Variants in CSTF1 observed in about 807,000 individuals in gnomAD.
The protein encoded by CSTF1 is cleavage stimulation factor subunit 1, also known as CF-1 50 kDa subunit.
In CSTF1, 2 loss-of-function variants were observed where a neutral mutation model predicts 40.9. The observed-to-expected ratio is 0.05, with a 90% CI of 0.02 to 0.15. CSTF1 has a LOEUF of 0.15. CSTF1 is among the 10% of genes least tolerant of loss of function. The pLI is 1.00. For synonymous variants in CSTF1, 218 were observed against 207.2 expected (o/e 1.05, Z -0.45); for missense variants, 279 against 558.9 (o/e 0.50, Z 5.05).
chr20:56,394,281 AGT>A (rs1168216892), intron 1 of CSTF1, among the ~76,000 whole-genome samples: 1 of 152,214 alleles, frequency 6.6e-6, no homozygotes, highest in African/African-American at 2.4e-5. Flanking sequence ...AGTGTCATAC[AGT>A]GTGTAAGAAA....
Position 56,403,547 on chromosome 20 carries a change from C to T in CSTF1, c.1116C>T (p.Asp372=), listed in dbSNP as rs151298926. ...CCGAGGACTATGTGTTGCTGCCCGA[C>T]GAGAGGACGATCAGTCTTTGCTGCT... is the stretch of plus-strand genomic sequence containing the variant. ...NHTEDYVLLP[D]ERTISLCCWD... is the part of the protein sequence containing the mutation. The change falls in exon 6 of 6, where the codon GAC becomes GAT. Residue 372 remains aspartate, a synonymous_variant. Coordinates refer to ENST00000217109, the MANE Select transcript of CSTF1 (RefSeq NM_001324.3). The T allele has an allele frequency of 8.4e-5, 135 of 1,614,012 alleles. No individual in the cohort carries two copies. In the African/African-American group the frequency reaches 1.0e-3, roughly 12 times the overall value.
At chr20:56,401,914 C>G (rs186611922) in intron 5 of CSTF1, among the ~76,000 whole-genome samples, 1 of 152,336 alleles carries the variant, frequency 6.6e-6, no homozygotes, top group East Asian at 1.9e-4. Context: ...ACCACACAGA[C>G]TTTGTGTTTT....
At position 56,399,762 on chromosome 20, in the gene CSTF1, T is replaced by C. The variant is rs1201438784; in HGVS notation, c.1036+405T>C. Among the ~76,000 whole-genome samples the C allele has an allele frequency of 1.3e-5, 2 of 152,188 alleles. No individual in the cohort carries two copies. The highest frequency in any genetic ancestry group is 6.5e-5 in the Admixed American group (1 of 15,272). On this transcript the variant is annotated intron_variant, in intron 5 of 5. Transcript: ENST00000217109. The surrounding 1 kb of genome is among the most constrained non-coding windows in gnomAD (Gnocchi z 4.6). ...GAAAGAATGGCTGAGAGGGAAGATC[T>C]TATCCCATTCCTAAGAGAGCAGACC...
In CSTF1 at chr20:56,405,995, C is replaced by G. The variant is rs548319412; in HGVS notation, c.*2268C>G. Reference sequence around the variant, plus strand: ...GTTGTTCACGAATTAAAATAATGCCCATGTTTTACAGTTTTTCGAGTAGTC... The same window carrying G: ...GTTGTTCACGAATTAAAATAATGCCGATGTTTTACAGTTTTTCGAGTAGTC... On this transcript the variant is annotated 3_prime_UTR_variant, in exon 6 of 6. Transcript: ENST00000217109. 6.6e-6 allele frequency: 1 copy of G among 152,312 alleles called. No homozygotes were observed. Among genetic ancestry groups the G allele is most frequent in the Admixed American group, 6.5e-5 (1 of 15,292 alleles). The allele number at this position is 152,312 out of a possible 1,614,324, so 9.4% of individuals were successfully genotyped here.
At chr20:56,395,153 TTTAA>T (rs1214473530) in intron 1 of CSTF1, among the ~76,000 whole-genome samples, 1 of 152,188 alleles carries the variant, frequency 6.6e-6, no homozygotes, top group African/African-American at 2.4e-5. Context: ...CCAGTCAATG[TTTAA>T]TTAACAGAAG....
At chr20:56,393,095 A>G (rs1035333991) in intron 1 of CSTF1, among the ~76,000 whole-genome samples, 1 of 151,498 alleles carries the variant, frequency 6.6e-6, no homozygotes, top group African/African-American at 2.4e-5. Flanking sequence ...GGGAGTTGAG[A>G]AGTTAGGGGT....
At chr20:56,396,759 T>A (rs6069726) in intron 2 of CSTF1, among the ~76,000 whole-genome samples, 72,824 of 151,952 alleles carry the variant, frequency 0.48, 18,120 homozygotes, top group East Asian at 0.85. Flanking sequence ...CAGTTTTTTT[T>A]AAATAACTTT....
chr20:56,403,523 C>G lies in CSTF1; in HGVS notation c.1092C>G (p.Thr364=), dbSNP rs778571956. ...GGACACAGGCTGTGTTTAACCACAC[C>G]GAGGACTATGTGTTGCTGCCCGACG... ...VHRTQAVFNH[T]EDYVLLPDER... The change falls in exon 6 of 6, where the codon ACC becomes ACG. Residue 364 remains threonine, a synonymous_variant. Transcript: ENST00000217109. 1.2e-5 allele frequency: 20 copies of G among 1,613,888 alleles called. No individual in the cohort carries two copies. In the Admixed American group the frequency reaches 1.3e-4, roughly 11 times the overall value.
Position 56,405,266 on chromosome 20 carries a change from G to A in CSTF1, c.*1539G>A, listed in dbSNP as rs2146252429. ...TTGTCCCCCAGGCTTTAGTGCAATGGCGCGATCTCGGCTCACCGCAGCCTC... is the reference window on the plus strand; with the variant it reads ...TTGTCCCCCAGGCTTTAGTGCAATGACGCGATCTCGGCTCACCGCAGCCTC... On this transcript the variant is annotated 3_prime_UTR_variant, in exon 6 of 6. Coordinates refer to ENST00000217109, the MANE Select transcript of CSTF1 (RefSeq NM_001324.3). 1 of 152,284 alleles carries A rather than the reference G, an allele frequency of 6.6e-6. No individual in the cohort carries two copies. Among genetic ancestry groups the A allele is most frequent in the East Asian group, 1.9e-4 (1 of 5,144 alleles). The allele number at this position is 152,284 out of a possible 1,614,324, so 9.4% of individuals were successfully genotyped here.
At chr20:56,394,574 G>A (rs1191390578) in intron 1 of CSTF1, among the ~76,000 whole-genome samples, 2 of 152,156 alleles carry the variant, frequency 1.3e-5, no homozygotes, top group Non-Finnish European at 2.9e-5. Context: ...GCGACAGAGC[G>A]AGACTCCGTC....
chr20:56,398,426 T>C (rs1255221673), intron 4 of CSTF1, among the ~76,000 whole-genome samples: 3 of 152,112 alleles, frequency 2.0e-5, no homozygotes, highest in African/African-American at 7.2e-5. Context: ...TTTAATCAGC[T>C]GGGCATGGTG....
At chr20:56,392,569 A>G (rs766611348), upstream of CSTF1, 1 of 152,006 alleles carries the variant, frequency 6.6e-6, no homozygotes, top group African/African-American at 2.4e-5. Context: ...AGCAAGAGAG[A>G]GTGGGACCGA....
intron 1 of CSTF1, 141 bp from the exon 2 acceptor site, chr20:56,395,380 T>C (rs973226487): frequency 1.1e-5 from 6 of 543,504 alleles, no homozygotes; most frequent in Middle Eastern, 4.8e-4. Flanking sequence ...CTTAGAGAAA[T>C]GAGGTCACTG....
At chr20:56,398,847 C>A in intron 4 of CSTF1, 120 bp from the exon 5 acceptor site, 1 of 906,856 alleles carries the variant, frequency 1.1e-6, no homozygotes, top group Non-Finnish European at 1.6e-6. Flanking sequence ...CTTATGATAC[C>A]TGTGTAATAT....
In CSTF1 at chr20:56,399,477, C is replaced by A; in HGVS notation, c.1036+120C>A. Reference sequence around the variant, plus strand: ...ATGCATTGAGCAAGGCAGATGTTACCCTTTCTTAGATAAGAGGAAACCAAG... The same window carrying A: ...ATGCATTGAGCAAGGCAGATGTTACACTTTCTTAGATAAGAGGAAACCAAG... On this transcript the variant is annotated intron_variant, in intron 5 of 5. Coordinates refer to ENST00000217109, the MANE Select transcript of CSTF1 (RefSeq NM_001324.3). The surrounding 1 kb of genome is among the most constrained non-coding windows in gnomAD (Gnocchi z 4.6). The A allele has an allele frequency of 2.1e-6, 2 of 933,124 alleles. No individual in the cohort carries two copies. The highest frequency in any genetic ancestry group is 1.7e-5 in the South Asian group (1 of 59,012). The allele number at this position is 933,124 out of a possible 1,614,324, so 57.8% of individuals were successfully genotyped here.
rs938852664 is a variant in CSTF1 at position 56,398,829 on chromosome 20, C to T, written c.646-138C>T. Reference sequence around the variant, plus strand: ...ATACTTTCATATGTTCCAGAAAGCACTTTTTTTCTTATGATACCTGTGTAA... The same window carrying T: ...ATACTTTCATATGTTCCAGAAAGCATTTTTTTTCTTATGATACCTGTGTAA... On this transcript the variant is annotated intron_variant, in intron 4 of 5. Transcript: ENST00000217109. The T allele has an allele frequency of 9.1e-6, 7 of 765,700 alleles. No homozygotes were observed. The South Asian group carries it at 1.5e-4, about 16-fold the overall frequency. 47.4% of individuals were successfully genotyped at this position (765,700 alleles called of 1,614,324 possible).
intron 5 of CSTF1, among the ~76,000 whole-genome samples, chr20:56,400,167 TTG>T (rs1329130724): frequency 6.6e-6 from 1 of 152,118 alleles, no homozygotes; most frequent in African/African-American, 2.4e-5. Flanking sequence ...AGGGACTGGA[TTG>T]TGTTTAAGTT....
chr20:56,398,550 G>A (rs192597240), intron 4 of CSTF1, among the ~76,000 whole-genome samples: 191 of 152,264 alleles, frequency 1.3e-3, no homozygotes, highest in Non-Finnish European at 2.4e-3. Flanking sequence ...CAGCCTGGGC[G>A]ACAGAGCAAG....
intron 4 of CSTF1, among the ~76,000 whole-genome samples, chr20:56,398,621 G>A (rs1978330853): frequency 2.6e-5 from 4 of 152,094 alleles, no homozygotes; most frequent in African/African-American, 2.4e-5. Context: ...CAGCCCTAGA[G>A]CAAATTAAAG....
Sources: allele counts gnomAD v4.1 joint callset (sites outside exome capture counted in the v4.1 genomes callset), GRCh38; gene constraint gnomAD v4.1.1; non-coding constraint Gnocchi (gnomAD v3.1); transcripts MANE v1.5; gene names NCBI Gene and HGNC (gene_info 2026-07-23, HGNC 2026-07-21).